Variants in HSD17B4 observed in about 807,000 individuals in gnomAD.
HSD17B4 encodes peroxisomal multifunctional enzyme type 2.
In HSD17B4, 70 loss-of-function variants were observed where a neutral mutation model predicts 101.0. That is an observed-to-expected ratio of 0.69 (90% CI 0.57 to 0.85). The LOEUF is 0.85. HSD17B4 is among the 40% of genes least tolerant of loss of function. The pLI is 0.00. For missense variants in HSD17B4, 984 were observed against 892.4 expected (o/e 1.10, Z -1.31); for synonymous variants, 347 against 297.1 (o/e 1.17, Z -1.73).
chr5:119,455,568 C>CTCTA (rs35030315), intron 1 of HSD17B4, among the ~76,000 whole-genome samples: 6,709 of 136,302 alleles, frequency 0.049, 216 homozygotes, highest in Admixed American at 0.11. Context: ...CTCTCTCTCT[C>CTCTA]TATATATATA....
intron 16 of HSD17B4, among the ~76,000 whole-genome samples, chr5:119,511,827 T>C (rs1752200858): frequency 6.6e-6 from 1 of 152,262 alleles, no homozygotes; most frequent in African/African-American, 2.4e-5. Context: ...TTATCTGAAA[T>C]GCCCAGTTAG....
intron 6 of HSD17B4, 111 bp downstream of exon 6, chr5:119,475,981 C>G: frequency 1.3e-6 from 1 of 781,416 alleles, no homozygotes; most frequent in Non-Finnish European, 2.2e-6. Context: ...ACTTTTGCTG[C>G]TAATATAAAT....
chr5:119,462,282 TTG>T (rs1361317139), intron 2 of HSD17B4, among the ~76,000 whole-genome samples: 35 of 135,516 alleles, frequency 2.6e-4, no homozygotes, highest in African/African-American at 8.3e-4. Flanking sequence ...TTTTTTTTTT[TTG>T]CTTAGTGGAA....
chr5:119,541,337 TGAG>T (rs1754973530), intron 23 of HSD17B4, among the ~76,000 whole-genome samples: 1 of 152,180 alleles, frequency 6.6e-6, no homozygotes, highest in Non-Finnish European at 1.5e-5. Flanking sequence ...CTTTTATAGA[TGAG>T]GAGATTGAAA....
chr5:119,518,909 G>C (rs1450097616), intron 17 of HSD17B4, among the ~76,000 whole-genome samples: 1 of 152,094 alleles, frequency 6.6e-6, no homozygotes, highest in Admixed American at 6.6e-5. Context: ...TGAGGCAGGA[G>C]AGTCACTTGA....
intron 13 of HSD17B4, among the ~76,000 whole-genome samples, chr5:119,500,054 G>A (rs1432077726): frequency 2.6e-5 from 4 of 152,180 alleles, no homozygotes; most frequent in Non-Finnish European, 5.9e-5. Context: ...AAAGATTTCA[G>A]CATATACTTT....
intron 6 of HSD17B4, among the ~76,000 whole-genome samples, chr5:119,476,276 G>T (rs1256649991): frequency 6.6e-6 from 1 of 152,174 alleles, no homozygotes; most frequent in Non-Finnish European, 1.5e-5. Context: ...AAATGATGGA[G>T]ATTTTAGAAC....
intron 1 of HSD17B4, among the ~76,000 whole-genome samples, chr5:119,453,653 A>G (rs758657590): frequency 1.3e-5 from 2 of 152,332 alleles, no homozygotes; most frequent in Middle Eastern, 3.4e-3. Flanking sequence ...ATTAATTCCT[A>G]TGTACTTTCA....
chr5:119,525,257 C>A lies in HSD17B4; in HGVS notation c.1545C>A (p.His515Gln). Residue 515 changes from histidine to glutamine, a missense_variant, in exon 18 of 24, where the codon CAC (histidine) becomes CAA (glutamine). Physicochemically the swap from His to Gln is conservative, Grantham distance 24 (BLOSUM62 0). Coordinates refer to ENST00000510025, the MANE Select transcript of HSD17B4 (RefSeq NM_000414.4). ...TCAGTGGAGACTGGAATCCCTTACA[C>A]ATTGATCCTAACTTTGCTAGTCTAG... is the stretch of plus-strand genomic sequence containing the variant. ...YRLSGDWNPL[H>Q]IDPNFASLAG... 1.2e-6 allele frequency: 2 copies of A among 1,611,980 alleles called. No homozygotes were observed. Among genetic ancestry groups the A allele is most frequent in the Non-Finnish European group, 1.7e-6 (2 of 1,178,328 alleles).
At chr5:119,506,918 A>G (rs1751703767) in intron 15 of HSD17B4, 29 bp downstream of exon 15, 2 of 1,128,554 alleles carry the variant, frequency 1.8e-6, no homozygotes, top group East Asian at 4.8e-5. Context: ...TTATAATAAT[A>G]TTGTTAGATT....
chr5:119,531,460 A>T, intron 22 of HSD17B4, 56 bp downstream of exon 22: 1 of 1,542,470 alleles, frequency 6.5e-7, no homozygotes, highest in Non-Finnish European at 8.9e-7. Flanking sequence ...TAAATAAAGT[A>T]TCTTTTTAAC....
At chr5:119,493,725 TCC>T in intron 10 of HSD17B4, 91 bp from the exon 11 acceptor site, 1 of 1,198,060 alleles carries the variant, frequency 8.3e-7, no homozygotes, top group Admixed American at 1.9e-5. Context: ...TTTCTGAATT[TCC>T]TTTCTCTTTA....
intron 17 of HSD17B4, among the ~76,000 whole-genome samples, chr5:119,517,255 G>A (rs928559819): frequency 3.3e-5 from 5 of 152,216 alleles, no homozygotes; most frequent in African/African-American, 4.8e-5. Flanking sequence ...CCAGGCCAGC[G>A]GCTGCGGAGG....
At chr5:119,491,863 T>C (rs1750136264) in intron 9 of HSD17B4, among the ~76,000 whole-genome samples, 1 of 152,182 alleles carries the variant, frequency 6.6e-6, no homozygotes, top group African/African-American at 2.4e-5. Flanking sequence ...ATCAGATTCA[T>C]TCTTTTCTAT....
rs771009588 is a variant in HSD17B4 at position 119,478,881 on chromosome 5, A to C, written c.482A>C (p.Gln161Pro). Residue 161 changes from glutamine (Q) to proline (P), a missense_variant, in exon 8 of 24, where the codon CAG (glutamine) becomes CCG (proline). By Grantham distance (76) the Gln-to-Pro change is moderately conservative. Transcript: ENST00000510025. ...TCAGGAATATATGGCAACTTTGGCCAGGCCAATTATAGTGCTGCAAAGTTG... is the reference window on the plus strand; with the variant it reads ...TCAGGAATATATGGCAACTTTGGCCCGGCCAATTATAGTGCTGCAAAGTTG... The part of the protein sequence containing the change: ...SASGIYGNFG[Q>P]ANYSAAKLGL... 7.4e-6 allele frequency: 12 copies of C among 1,613,678 alleles called. No homozygotes were observed. The highest frequency in any genetic ancestry group is 9.3e-6 in the Non-Finnish European group (11 of 1,179,692).
chr5:119,535,190 A>G (rs1311650668), intron 22 of HSD17B4, among the ~76,000 whole-genome samples: 1 of 152,110 alleles, frequency 6.6e-6, no homozygotes, highest in African/African-American at 2.4e-5. Context: ...TTTTCTAAGA[A>G]CAAAGACATT....
At chr5:119,486,690 A>G (rs1003580451) in intron 8 of HSD17B4, among the ~76,000 whole-genome samples, 12 of 152,170 alleles carry the variant, frequency 7.9e-5, no homozygotes, top group Non-Finnish European at 1.8e-4. Context: ...ATTAATGAAC[A>G]TATCGGTTGC....
intron 2 of HSD17B4, among the ~76,000 whole-genome samples, chr5:119,469,302 T>C (rs1430709577): frequency 7.1e-6 from 1 of 140,114 alleles, no homozygotes; most frequent in South Asian, 2.5e-4. Context: ...TCCATGTTTC[T>C]TTTTTTTTTT....
At chr5:119,538,288 T>G (rs866178006) in intron 23 of HSD17B4, among the ~76,000 whole-genome samples, 1 of 152,284 alleles carries the variant, frequency 6.6e-6, no homozygotes, top group African/African-American at 2.4e-5. Context: ...GTCTGATCTT[T>G]CTCCAAAATA....
Sources: allele counts gnomAD v4.1 joint callset (sites outside exome capture counted in the v4.1 genomes callset), GRCh38; gene constraint gnomAD v4.1.1; transcripts MANE v1.5; gene names NCBI Gene and HGNC (gene_info 2026-07-23, HGNC 2026-07-21).